Variants in CES5A observed in about 807,000 individuals in gnomAD.
CES5A encodes the protein carboxylesterase 5A, also known as carboxylesterase 5.
CES5A carries 67 observed loss-of-function variants against 62.9 expected under a neutral mutation model. The observed-to-expected ratio is 1.07, with a 90% CI of 0.88 to 1.31. The LOEUF (loss-of-function observed/expected upper bound fraction) is 1.31. Among genes scored for constraint, CES5A ranks in the 50% most tolerant of loss-of-function variants. The pLI is 0.00. For synonymous variants in CES5A, 296 were observed against 280.8 expected (o/e 1.05, Z -0.54); for missense variants, 748 against 708.5 (o/e 1.06, Z -0.63).
In CES5A at chr16:55,846,664, G is replaced by C; in HGVS notation, c.1515C>G (p.Asp505Glu). The change falls in exon 13 of 13, where the codon GAC becomes GAG. Residue 505 changes from aspartate (D) to glutamate (E), a missense_variant. Asp to Glu is a conservative substitution (Grantham distance 45). Coordinates refer to ENST00000290567, the MANE Select transcript of CES5A (RefSeq NM_001143685.2). Reference sequence around the variant, plus strand: ...GATTATAAGCTGGCCACAGAGACAGGTCGTTCCCATTAGGATTCCTAGAAG... The same window carrying C: ...GATTATAAGCTGGCCACAGAGACAGCTCGTTCCCATTAGGATTCCTAGAAG... ...FARTGNPNGN[D>E]LSLWPAYNLT... is the part of the protein sequence containing the mutation. 6.2e-7 allele frequency: 1 copy of C among 1,614,134 alleles called. No individual in the cohort carries two copies. Among genetic ancestry groups the C allele is most frequent in the Non-Finnish European group, 8.5e-7 (1 of 1,180,014 alleles).
chr16:55,923,997 A>G (rs2142462148), intron 1 of CES5A, among the ~76,000 whole-genome samples: 1 of 152,058 alleles, frequency 6.6e-6, no homozygotes, highest in African/African-American at 2.4e-5. Flanking sequence ...TTTCCCTAAG[A>G]TCTGGAATAA....
intron 7 of CES5A, 72 bp from the exon 8 acceptor site, chr16:55,859,759 A>G: frequency 6.8e-7 from 1 of 1,479,346 alleles, no homozygotes; most frequent in South Asian, 1.3e-5. Flanking sequence ...GCTGTCCCAA[A>G]TCCTGGCCAA....
At position 55,846,513 on chromosome 16, in the gene CES5A, G is replaced by T; in HGVS notation, c.1666C>A (p.Pro556Thr). 6.2e-7 allele frequency: 1 copy of T among 1,614,134 alleles called. No individual in the cohort carries two copies. Among genetic ancestry groups the T allele is most frequent in the Non-Finnish European group, 8.5e-7 (1 of 1,180,006 alleles). Residue 556 changes from proline to threonine, a missense_variant, in exon 13 of 13, where the codon CCT becomes ACT. Coordinates refer to ENST00000290567, the MANE Select transcript of CES5A (RefSeq NM_001143685.2). The stretch of plus-strand genomic sequence containing the variant: ...GAGAGGAAAGTTAAGGAAGAAAGAG[G>T]ACTGTGGAGCATGTCGGAGGCAGAC... ...ILSASDMLHSPLSSLTFLSLL... is the reference protein window; with the variant it reads ...ILSASDMLHSTLSSLTFLSLL...
At chr16:55,859,429 G>A in intron 8 of CES5A, 118 bp downstream of exon 8, 1 of 945,300 alleles carries the variant, frequency 1.1e-6, no homozygotes, top group South Asian at 1.7e-5. Flanking sequence ...CTGTGTGCTT[G>A]GCTGGTGGGC....
upstream of CES5A, chr16:55,875,505 A>C: frequency 1.6e-6 from 1 of 618,638 alleles, no homozygotes. Flanking sequence ...CAGAAAAGAC[A>C]TTCCAGACCA....
upstream of CES5A, among the ~76,000 whole-genome samples, chr16:55,879,206 C>T (rs1311753212): frequency 1.3e-5 from 2 of 150,336 alleles, no homozygotes; most frequent in Non-Finnish European, 3.0e-5. Context: ...TTCTATAGTC[C>T]ATTGCTGCAC....
intron 1 of CES5A, among the ~76,000 whole-genome samples, chr16:55,908,383 G>C (rs1206323245): frequency 2.6e-5 from 4 of 151,192 alleles, no homozygotes; most frequent in African/African-American, 9.8e-5. Context: ...TTTTGAGATG[G>C]AGTTTCGCTC....
At chr16:55,865,928 T>C in intron 5 of CES5A, 35 bp downstream of exon 5, 1 of 1,613,096 alleles carries the variant, frequency 6.2e-7, no homozygotes, top group Non-Finnish European at 8.5e-7. Context: ...CCTCCGGCAC[T>C]GAGATTCATT....
At chr16:55,872,238 A>G (rs1157346916) in intron 2 of CES5A, among the ~76,000 whole-genome samples, 1 of 151,546 alleles carries the variant, frequency 6.6e-6, no homozygotes, top group Non-Finnish European at 1.5e-5. Context: ...TGGCAGGGAG[A>G]CTCCTGCACC....
At chr16:55,894,841 T>C (rs1752953494) in intron 1 of CES5A, among the ~76,000 whole-genome samples, 1 of 152,166 alleles carries the variant, frequency 6.6e-6, no homozygotes, top group Non-Finnish European at 1.5e-5. Context: ...TACTGCCTCC[T>C]GGGACAAAGA....
At chr16:55,921,093 A>G (rs570668695) in intron 1 of CES5A, among the ~76,000 whole-genome samples, 1 of 152,324 alleles carries the variant, frequency 6.6e-6, no homozygotes, top group South Asian at 2.1e-4. Flanking sequence ...AAGAATGAAA[A>G]GCAATGAAGA....
At chr16:55,871,819 G>A (rs577855139) in intron 2 of CES5A, 56 bp from the exon 3 acceptor site, 3 of 1,594,442 alleles carry the variant, frequency 1.9e-6, no homozygotes, top group Middle Eastern at 1.7e-4. Flanking sequence ...ACTTGCCTGG[G>A]AAGGGCCAGT....
intron 4 of CES5A, chr16:55,869,383 G>C: frequency 1.5e-6 from 1 of 676,924 alleles, no homozygotes; most frequent in South Asian, 2.9e-5. Flanking sequence ...GCCGATCAGG[G>C]ATGCTCAATT....
intron 5 of CES5A, among the ~76,000 whole-genome samples, chr16:55,864,600 A>T (rs1337846241): frequency 6.6e-6 from 1 of 152,254 alleles, no homozygotes; most frequent in Admixed American, 6.5e-5. Context: ...TGGCTAAAAA[A>T]ATATTGCTGT....
chr16:55,909,702 CAGA>C (rs2034074276), intron 1 of CES5A, among the ~76,000 whole-genome samples: 1 of 152,168 alleles, frequency 6.6e-6, no homozygotes, highest in Non-Finnish European at 1.5e-5. Flanking sequence ...AGGTGAACGG[CAGA>C]AGATCTGAGG....
chr16:55,863,583 G>A, intron 5 of CES5A, 131 bp from the exon 6 acceptor site: 1 of 627,004 alleles, frequency 1.6e-6, no homozygotes, highest in Non-Finnish European at 2.9e-6. Context: ...AAAAAGCCCT[G>A]GTTTAGGGGT....
At chr16:55,878,312 G>A (rs2033719528), upstream of CES5A, among the ~76,000 whole-genome samples, 1 of 152,018 alleles carries the variant, frequency 6.6e-6, no homozygotes, top group Non-Finnish European at 1.5e-5. Flanking sequence ...CTGCCTCAGG[G>A]TGGAAACCAG....
At chr16:55,912,979 C>G (rs1182692271) in intron 1 of CES5A, among the ~76,000 whole-genome samples, 1 of 152,182 alleles carries the variant, frequency 6.6e-6, no homozygotes, top group African/African-American at 2.4e-5. Context: ...CTGGGTTCAC[C>G]TTGCCGGCTG....
In CES5A at chr16:55,905,570, T is replaced by C. The variant is rs117773546; in HGVS notation, c.-256+19753A>G. Among the ~76,000 whole-genome samples the C allele has an allele frequency of 5.6e-4, 85 of 152,146 alleles. 1 individual carries two copies. The East Asian group carries it at 0.016, about 28-fold the overall frequency. ...TTAGGAGAAATGGGGTTTTACCATG[T>C]TGGTCAGGCTCGAACTCCTGACCTC... On this transcript the variant is annotated intron_variant, in intron 1 of 12. Coordinates refer to the CES5A transcript ENST00000518005.
Sources: allele counts gnomAD v4.1 joint callset (sites outside exome capture counted in the v4.1 genomes callset), GRCh38; gene constraint gnomAD v4.1.1; transcripts MANE v1.5; gene names NCBI Gene and HGNC (gene_info 2026-07-23, HGNC 2026-07-21).